Variants in SAMD12 observed in about 807,000 individuals in gnomAD.
SAMD12 encodes the protein sterile alpha motif domain containing 12, also known as sterile alpha motif domain-containing protein 12.
SAMD12 carries 9 observed loss-of-function variants against 15.0 expected under a neutral mutation model. The ratio of observed to expected loss-of-function variants is 0.60; its 90% CI spans 0.36 to 1.05. The LOEUF is 1.05. Among genes scored for constraint, SAMD12 ranks in the 50% least tolerant of loss-of-function variants. The pLI is 0.01. For missense variants in SAMD12, 230 were observed against 234.2 expected, an observed-to-expected ratio of 0.98 and a Z score of 0.12; for synonymous variants, 86 against 90.1, an observed-to-expected ratio of 0.96 and a Z score of 0.25.
intron 1 of SAMD12, among the ~76,000 whole-genome samples, chr8:118,617,354 A>G (rs1239174730): frequency 1.3e-5 from 2 of 152,188 alleles, no homozygotes; most frequent in African/African-American, 4.8e-5. Flanking sequence ...TAGCCTTACA[A>G]TATTTTGGTG....
At chr8:118,324,072 G>A (rs1166805747) in intron 4 of SAMD12, among the ~76,000 whole-genome samples, 3 of 151,946 alleles carry the variant, frequency 2.0e-5, no homozygotes, top group Non-Finnish European at 4.4e-5. Flanking sequence ...CATTTTTGCC[G>A]ATTCCTTCTA....
intron 3 of SAMD12, among the ~76,000 whole-genome samples, chr8:118,419,256 A>G (rs571123510): frequency 2.0e-5 from 3 of 146,810 alleles, no homozygotes; most frequent in South Asian, 4.2e-4. Context: ...TCTGCTGGCT[A>G]TGGGGTCTGG....
chr8:118,609,428 G>A (rs1828055035), intron 1 of SAMD12, among the ~76,000 whole-genome samples: 1 of 152,188 alleles, frequency 6.6e-6, no homozygotes, highest in South Asian at 2.1e-4. Flanking sequence ...GGGCTTAACC[G>A]AAGATTAGGA....
chr8:118,414,671 G>A (rs1175726261), intron 3 of SAMD12, among the ~76,000 whole-genome samples: 1 of 152,134 alleles, frequency 6.6e-6, no homozygotes, highest in Non-Finnish European at 1.5e-5. Context: ...AGTAAAGGAT[G>A]GCAGTAATCC....
At chr8:118,404,639 A>G (rs1249831212) in intron 3 of SAMD12, among the ~76,000 whole-genome samples, 1 of 152,152 alleles carries the variant, frequency 6.6e-6, no homozygotes, top group Non-Finnish European at 1.5e-5. Context: ...TTACCAAAGG[A>G]GTGGTATATA....
intron 4 of SAMD12, among the ~76,000 whole-genome samples, chr8:118,357,835 C>T (rs1818307366): frequency 6.6e-6 from 1 of 152,104 alleles, no homozygotes; most frequent in Non-Finnish European, 1.5e-5. Context: ...CTGTGGCCTT[C>T]ATTCAGTTCC....
At chr8:118,508,030 G>C (rs1414641256) in intron 2 of SAMD12, among the ~76,000 whole-genome samples, 1 of 122,768 alleles carries the variant, frequency 8.1e-6, no homozygotes, top group East Asian at 2.3e-4. Context: ...GTCTCGCTCT[G>C]TCAACCATGC....
At chr8:118,162,510 A>G in the SAMD12 span, among the ~76,000 whole-genome samples, 2 of 151,990 alleles carry the variant, frequency 1.3e-5, no homozygotes, top group African/African-American at 4.8e-5. Context: ...ACTGGTAGAG[A>G]TAATGATGAG....
chr8:118,471,819 C>T (rs996297543), intron 2 of SAMD12, among the ~76,000 whole-genome samples: 4 of 151,914 alleles, frequency 2.6e-5, no homozygotes, highest in South Asian at 2.1e-4. Context: ...ATGGAGATCC[C>T]GGTACCTGAT....
Position 118,528,942 on chromosome 8 carries a change from G to T in SAMD12, c.192+51773C>A, listed in dbSNP as rs1016946211. On this transcript the variant is annotated intron_variant, in intron 2 of 3. Transcript: ENST00000314727. ...GGTGTCATGCAGGGCCACCCCCGCCGTAAGGCAGAAAGAGAAAAAAGACAA... is the reference window on the plus strand; with the variant it reads ...GGTGTCATGCAGGGCCACCCCCGCCTTAAGGCAGAAAGAGAAAAAAGACAA... Among the ~76,000 whole-genome samples, 5 of 152,236 alleles carry T rather than the reference G, an allele frequency of 3.3e-5. No homozygotes were observed. The South Asian group carries it at 8.3e-4, about 25-fold the overall frequency.
At chr8:118,371,485 G>T (rs574540719) in intron 4 of SAMD12, among the ~76,000 whole-genome samples, 2 of 152,148 alleles carry the variant, frequency 1.3e-5, no homozygotes, top group African/African-American at 4.8e-5. Context: ...TGAGGATTTG[G>T]TCATGGACTC....
At chr8:118,133,134 T>C in the SAMD12 span, among the ~76,000 whole-genome samples, 1 of 150,788 alleles carries the variant, frequency 6.6e-6, no homozygotes, top group African/African-American at 2.4e-5. Flanking sequence ...CATTTCACTA[T>C]TATATTTTCT....
intron 3 of SAMD12, among the ~76,000 whole-genome samples, chr8:118,430,293 AC>A (rs1407152676): frequency 2.0e-5 from 3 of 151,580 alleles, no homozygotes; most frequent in Non-Finnish European, 4.4e-5. Context: ...ATATTTTGAC[AC>A]TCTATGTTAA....
intron 4 of SAMD12, among the ~76,000 whole-genome samples, chr8:118,308,363 A>G (rs1407083962): frequency 6.6e-6 from 1 of 152,194 alleles, no homozygotes; most frequent in African/African-American, 2.4e-5. Flanking sequence ...ATGAGCACTT[A>G]TTATATGCAA....
intron 1 of SAMD12, among the ~76,000 whole-genome samples, chr8:118,608,156 C>G (rs1828025473): frequency 6.6e-6 from 1 of 151,994 alleles, no homozygotes. Context: ...GTAGCCTTCT[C>G]ATCACTCATT....
At chr8:118,376,946 C>A (rs538338401), downstream of SAMD12, among the ~76,000 whole-genome samples, 3 of 139,952 alleles carry the variant, frequency 2.1e-5, no homozygotes, top group Admixed American at 6.9e-5. Flanking sequence ...AAACCTAGAC[C>A]CAAAATATTT....
chr8:118,521,928 G>T (rs1366988403), intron 2 of SAMD12, among the ~76,000 whole-genome samples: 3 of 151,964 alleles, frequency 2.0e-5, no homozygotes, highest in African/African-American at 7.2e-5. Context: ...TACTCAACAA[G>T]GAATCTTACA....
At chr8:118,267,266 G>A (rs1009585001) in intron 4 of SAMD12, among the ~76,000 whole-genome samples, 1 of 152,084 alleles carries the variant, frequency 6.6e-6, no homozygotes, top group African/African-American at 2.4e-5. Context: ...TTTGAAGAAG[G>A]TAGGTTACTA....
chr8:118,372,730 TTA>T (rs139440845), intron 4 of SAMD12, among the ~76,000 whole-genome samples: 1,868 of 152,182 alleles, frequency 0.012, 37 homozygotes, highest in African/African-American at 0.043. Context: ...CAAACTGTGG[TTA>T]TATTAGGTTG....
Sources: allele counts gnomAD v4.1 joint callset (sites outside exome capture counted in the v4.1 genomes callset), GRCh38; gene constraint gnomAD v4.1.1; transcripts MANE v1.5; gene names NCBI Gene and HGNC (gene_info 2026-07-23, HGNC 2026-07-21).